Variants in GSAP observed in about 807,000 individuals in gnomAD.
GSAP encodes gamma-secretase activating protein.
A neutral mutation model predicts 131.7 loss-of-function variants in GSAP; 118 were observed. That is an observed-to-expected ratio of 0.90 (90% confidence interval 0.77 to 1.04). GSAP has a LOEUF of 1.04. Among genes scored for constraint, GSAP ranks in the 50% least tolerant of loss-of-function variants. The pLI, the probability that GSAP is intolerant of heterozygous loss-of-function variation, is 0.00. For missense variants in GSAP, 1,019 were observed against 1,013.2 expected (o/e 1.01, Z -0.08); for synonymous variants, 381 against 363.4 (o/e 1.05, Z -0.55).
In GSAP at chr7:77,416,235, G is replaced by C. The variant is rs1222445748; in HGVS notation, c.87C>G (p.Ser29Arg). ...CACCTGCGCCGCCGCTTCCGGCCCCGCTGGCCTCCGACACTGCCCGCTGCG... is the reference window on the plus strand; with the variant it reads ...CACCTGCGCCGCCGCTTCCGGCCCCCCTGGCCTCCGACACTGCCCGCTGCG... The part of the protein sequence containing the change: ...LRAQRAVSEA[S>R]GAGSGGADVL... Residue 29 changes from serine (S) to arginine (R), a missense_variant, in exon 1 of 31, where the codon AGC becomes AGG. Transcript: ENST00000257626. 2 of 1,261,852 alleles carry C rather than the reference G, an allele frequency of 1.6e-6. No homozygotes were observed. Among genetic ancestry groups the C allele is most frequent in the Non-Finnish European group, 2.0e-6 (2 of 979,644 alleles). 78.2% of individuals were successfully genotyped at this position (1,261,852 alleles called of 1,614,324 possible). A position where few individuals can be genotyped will look rare whatever the true frequency, so the allele number is the denominator to read the frequency against.
intron 18 of GSAP, 118 bp from the exon 19 acceptor site, chr7:77,349,522 C>T: frequency 1.3e-6 from 1 of 762,254 alleles, no homozygotes; most frequent in Non-Finnish European, 2.2e-6. Context: ...CAGCTTCTAA[C>T]CTCTACTTTA....
intron 8 of GSAP, 98 bp from the exon 9 acceptor site, chr7:77,377,488 G>C: frequency 7.6e-7 from 1 of 1,321,970 alleles, no homozygotes; most frequent in Non-Finnish European, 9.9e-7. Context: ...CTATCTTTAT[G>C]ATACATGTAA....
chr7:77,317,354 A>T (rs1471293086), intron 26 of GSAP, among the ~76,000 whole-genome samples: 1 of 143,396 alleles, frequency 7.0e-6, no homozygotes, highest in African/African-American at 2.7e-5. Flanking sequence ...TTGGGGGGGA[A>T]CATCACACAC....
At chr7:77,386,469 C>A (rs1798579316) in intron 6 of GSAP, among the ~76,000 whole-genome samples, 1 of 152,144 alleles carries the variant, frequency 6.6e-6, no homozygotes, top group Admixed American at 6.5e-5. Context: ...AGCCTCTAGT[C>A]ACAGCATGTT....
At chr7:77,335,086 T>TA (rs112916857) in intron 19 of GSAP, among the ~76,000 whole-genome samples, 22,775 of 131,682 alleles carry the variant, frequency 0.17, 2,265 homozygotes, top group East Asian at 0.47. Context: ...CCGTCTCAAT[T>TA]AAAAAAAAAA....
At chr7:77,361,007 G>T in intron 13 of GSAP, 106 bp from the exon 14 acceptor site, 2 of 683,212 alleles carry the variant, frequency 2.9e-6, no homozygotes, top group South Asian at 3.3e-5. Flanking sequence ...CATGAAACTG[G>T]TAAGCAGGCA....
chr7:77,369,523 AC>A lies in GSAP; in HGVS notation c.871+4546del, dbSNP rs1225067036. On this transcript the variant is annotated intron_variant, in intron 12 of 30. Transcript: ENST00000257626. ...GAATATAAAAAGTAATGGTGAAAGG[AC>A]AAAATAGCTTCTGATGACCAAAATG... 2.0e-5 allele frequency among the ~76,000 whole-genome samples: 3 copies of A among 152,322 alleles called. No homozygotes were observed. In the East Asian group the frequency reaches 5.8e-4, roughly 29 times the overall value.
chr7:77,340,177 C>A (rs1790694784), intron 19 of GSAP, among the ~76,000 whole-genome samples: 1 of 152,210 alleles, frequency 6.6e-6, no homozygotes, highest in Admixed American at 6.5e-5. Context: ...GACACACGCC[C>A]CTGCCCATAA....
chr7:77,379,986 C>T (rs1797553087), intron 8 of GSAP: 1 of 739,444 alleles, frequency 1.4e-6, no homozygotes, highest in Non-Finnish European at 1.6e-6. Context: ...TCTTCAGAGA[C>T]AATTTTGATG....
intron 8 of GSAP, chr7:77,379,975 A>G: frequency 2.6e-5 from 21 of 801,618 alleles, no homozygotes; most frequent in Non-Finnish European, 3.2e-5. Flanking sequence ...AAATGTTAAA[A>G]TCTTCAGAGA....
intron 16 of GSAP, among the ~76,000 whole-genome samples, 195 bp downstream of exon 16, chr7:77,355,018 C>T (rs918024006): frequency 6.6e-6 from 1 of 152,086 alleles, no homozygotes; most frequent in Non-Finnish European, 1.5e-5. Flanking sequence ...CCCAAAAGAA[C>T]AGAAACACCC....
At chr7:77,353,352 T>C (rs1427205605) in intron 17 of GSAP, among the ~76,000 whole-genome samples, 1 of 152,000 alleles carries the variant, frequency 6.6e-6, no homozygotes, top group Non-Finnish European at 1.5e-5. Flanking sequence ...CAAGATCCTA[T>C]CTTGTATCTC....
intron 12 of GSAP, among the ~76,000 whole-genome samples, chr7:77,365,125 A>AT (rs886901632): frequency 2.6e-4 from 40 of 151,546 alleles, no homozygotes; most frequent in Non-Finnish European, 3.7e-4. Context: ...TAATTATTTT[A>AT]TTTTTTTTAA....
At chr7:77,386,230 A>T (rs1304778616) in intron 6 of GSAP, among the ~76,000 whole-genome samples, 1 of 152,224 alleles carries the variant, frequency 6.6e-6, no homozygotes, top group Non-Finnish European at 1.5e-5. Flanking sequence ...CTTATCTGAG[A>T]AGCAAAACAC....
intron 6 of GSAP, among the ~76,000 whole-genome samples, chr7:77,386,491 C>T (rs1012678260): frequency 2.6e-5 from 4 of 152,158 alleles, no homozygotes; most frequent in Admixed American, 1.3e-4. Context: ...GTCAACAGAT[C>T]AGTATATAAT....
chr7:77,392,224 G>GAA (rs113720613), intron 5 of GSAP, among the ~76,000 whole-genome samples: 16,901 of 127,478 alleles, frequency 0.13, 1,440 homozygotes, highest in East Asian at 0.42. Flanking sequence ...TCCATCTCAG[G>GAA]AAAAAAAAAA....
chr7:77,333,583 C>G (rs1281525552), intron 19 of GSAP, among the ~76,000 whole-genome samples: 5 of 152,176 alleles, frequency 3.3e-5, no homozygotes, highest in Non-Finnish European at 7.3e-5. Flanking sequence ...ATCCCGGGCA[C>G]CCCACCCTCA....
At chr7:77,330,164 A>G in intron 20 of GSAP, 75 bp downstream of exon 20, 1 of 1,489,108 alleles carries the variant, frequency 6.7e-7, no homozygotes, top group Non-Finnish European at 9.0e-7. Context: ...AGCCAGCCTT[A>G]TGATTTAAAG....
intron 19 of GSAP, among the ~76,000 whole-genome samples, chr7:77,346,270 C>CAAAAAAAAAAAAAAAAAAAA (rs1223497863): frequency 7.3e-5 from 3 of 40,880 alleles, no homozygotes; most frequent in East Asian, 8.0e-4. Context: ...GACTCCATCT[C>CAAAAAAAAAAAAAAAAAAAA]AAAAAAAAAA....
Sources: allele counts gnomAD v4.1 joint callset (sites outside exome capture counted in the v4.1 genomes callset), GRCh38; gene constraint gnomAD v4.1.1; transcripts MANE v1.5; gene names NCBI Gene and HGNC (gene_info 2026-07-23, HGNC 2026-07-21).